The following TGS1 variants were observed in gnomAD, a reference collection of about 807,000 sequenced individuals.
TGS1 encodes the protein trimethylguanosine synthase.
In TGS1, 69 loss-of-function variants were observed where a neutral mutation model predicts 92.2. The ratio of observed to expected loss-of-function variants is 0.75; its 90% CI spans 0.62 to 0.91. The LOEUF (loss-of-function observed/expected upper bound fraction) is 0.91. Among genes scored for constraint, TGS1 ranks in the 40% least tolerant of loss-of-function variants. The pLI is 0.00. For synonymous variants in TGS1, 345 were observed against 338.1 expected, an observed-to-expected ratio of 1.02 and a Z score of -0.22; for missense variants, 1,062 against 1,001.2, an observed-to-expected ratio of 1.06 and a Z score of -0.82.
At chr8:55,809,149 T>G (rs78619046) in intron 10 of TGS1, among the ~76,000 whole-genome samples, 14 of 152,360 alleles carry the variant, frequency 9.2e-5, no homozygotes, top group Non-Finnish European at 1.9e-4. Flanking sequence ...TACAAAAAGA[T>G]GGCATTGCAT....
chr8:55,794,436 G>A (rs1287371563), intron 6 of TGS1, among the ~76,000 whole-genome samples: 3 of 152,130 alleles, frequency 2.0e-5, no homozygotes, highest in African/African-American at 7.2e-5. Context: ...CAATTGAAGG[G>A]CATTTGGATT....
chr8:55,805,112 A>G lies in TGS1; in HGVS notation c.2143+76A>G, dbSNP rs141418522. ...AAATGTTTCCATTTTGCTACAGCCT[A>G]TCTTACTGAGATTTAATATATAATT... On this transcript the variant is annotated intron_variant, in intron 10 of 12. Coordinates refer to ENST00000260129, the MANE Select transcript of TGS1 (RefSeq NM_024831.8). 3.8e-4 allele frequency: 456 copies of G among 1,201,894 alleles called. 1 individual carries two copies. The African/African-American group carries it at 6.0e-3, about 16-fold the overall frequency. 74.5% of individuals were successfully genotyped at this position (1,201,894 alleles called of 1,614,324 possible).
chr8:55,783,459 G>A (rs1051521702), intron 2 of TGS1, among the ~76,000 whole-genome samples: 2 of 152,108 alleles, frequency 1.3e-5, no homozygotes, highest in Non-Finnish European at 2.9e-5. Flanking sequence ...TACACTTCAT[G>A]AGAAGTGTAT....
intron 12 of TGS1, among the ~76,000 whole-genome samples, chr8:55,818,264 C>T (rs1334807543): frequency 6.6e-6 from 1 of 152,150 alleles, no homozygotes; most frequent in African/African-American, 2.4e-5. Flanking sequence ...TGCAGCCTCC[C>T]AGACTGAAAC....
intron 5 of TGS1, 91 bp from the exon 6 acceptor site, chr8:55,792,607 A>G (rs911293522): frequency 7.1e-6 from 6 of 839,358 alleles, no homozygotes; most frequent in East Asian, 5.0e-5. Context: ...GGAAGTTTGC[A>G]TGGGTCAATT....
intron 4 of TGS1, among the ~76,000 whole-genome samples, chr8:55,787,913 C>G (rs910102895): frequency 6.6e-6 from 1 of 152,156 alleles, no homozygotes; most frequent in African/African-American, 2.4e-5. Flanking sequence ...GGGGGGAGGT[C>G]CCAGGCTCTT....
chr8:55,800,790 A>G (rs1812194591), intron 8 of TGS1, among the ~76,000 whole-genome samples: 3 of 152,134 alleles, frequency 2.0e-5, no homozygotes, highest in Non-Finnish European at 4.4e-5. Flanking sequence ...ACTTTTTACT[A>G]TTTACAATGA....
chr8:55,794,357 A>G (rs1331961413), intron 6 of TGS1, among the ~76,000 whole-genome samples: 3 of 152,296 alleles, frequency 2.0e-5, no homozygotes, highest in South Asian at 4.1e-4. Flanking sequence ...CGCCCAGTCC[A>G]TTTATTCCTT....
At chr8:55,793,873 C>T (rs1168015366) in intron 6 of TGS1, among the ~76,000 whole-genome samples, 5 of 151,968 alleles carry the variant, frequency 3.3e-5, no homozygotes, top group African/African-American at 1.2e-4. Flanking sequence ...CCACCTTGGC[C>T]TCCCAAAGTG....
At position 55,796,010 on chromosome 8, in the gene TGS1, A is replaced by G. The variant is rs141916462; in HGVS notation, c.1400A>G (p.Gln467Arg). ...GGAATCCCAAATTTCAGTCATCGGC[A>G]GGTCAGGTATTTAGAGAAGAATGTG... ...YGGIPNFSHR[Q>R]VRYLEKNVKL... is the part of the protein sequence containing the mutation. The change falls in exon 7 of 13, where the codon CAG becomes CGG. Residue 467 changes from glutamine (Q) to arginine (R), a missense_variant. Gln to Arg is a conservative substitution (Grantham distance 43, BLOSUM62 1). Coordinates refer to ENST00000260129, the MANE Select transcript of TGS1 (RefSeq NM_024831.8). 44 of 1,613,578 alleles carry G rather than the reference A, an allele frequency of 2.7e-5. No homozygotes were observed. Among genetic ancestry groups the G allele is most frequent in the Non-Finnish European group, 3.5e-5 (41 of 1,179,798 alleles).
At position 55,806,077 on chromosome 8, in the gene TGS1, C is replaced by T. The variant is rs146134517; in HGVS notation, c.2143+1041C>T. On this transcript the variant is annotated intron_variant, in intron 10 of 12. Coordinates refer to ENST00000260129, the MANE Select transcript of TGS1 (RefSeq NM_024831.8). ...TAGGCTCTTAAAAAAATTTGTAGGC[C>T]GGGCACGGTGGCTCATGCCTGTAAT... 1.2e-3 allele frequency among the ~76,000 whole-genome samples: 177 copies of T among 151,296 alleles called. 2 individuals carry two copies. The East Asian group carries it at 0.019, about 16-fold the overall frequency.
intron 11 of TGS1, among the ~76,000 whole-genome samples, chr8:55,812,495 C>CAAAA (rs59611291): frequency 5.1e-5 from 5 of 98,262 alleles, no homozygotes; most frequent in Admixed American, 1.1e-4. Flanking sequence ...GACTCTGTCT[C>CAAAA]AAAAAAAAAA....
intron 1 of TGS1, among the ~76,000 whole-genome samples, chr8:55,774,399 A>G (rs1268110013): frequency 6.6e-6 from 1 of 152,228 alleles, no homozygotes; most frequent in Non-Finnish European, 1.5e-5. Context: ...TGTTAGAGTT[A>G]AATCCTTGTG....
chr8:55,804,102 T>C (rs1563463213), intron 9 of TGS1, among the ~76,000 whole-genome samples: 1 of 152,178 alleles, frequency 6.6e-6, no homozygotes, highest in South Asian at 2.1e-4. Flanking sequence ...TGCAACCCTA[T>C]GGCCTTTTGC....
chr8:55,810,394 G>A (rs1351894567), intron 10 of TGS1, among the ~76,000 whole-genome samples: 1 of 152,140 alleles, frequency 6.6e-6, no homozygotes, highest in Non-Finnish European at 1.5e-5. Context: ...TTCATCACTT[G>A]GCTACATAAG....
intron 12 of TGS1, among the ~76,000 whole-genome samples, chr8:55,818,210 GAGAC>G (rs1020357865): frequency 1.3e-5 from 2 of 151,050 alleles, no homozygotes; most frequent in Non-Finnish European, 3.0e-5. Context: ...TTTTTTTTTT[GAGAC>G]AGGGCCAGGC....
At chr8:55,817,678 G>A (rs1803520836) in intron 12 of TGS1, among the ~76,000 whole-genome samples, 1 of 152,096 alleles carries the variant, frequency 6.6e-6, no homozygotes, top group African/African-American at 2.4e-5. Context: ...TAATCTAATG[G>A]TAGCTCTCTC....
intron 10 of TGS1, among the ~76,000 whole-genome samples, chr8:55,809,091 C>T (rs760009629): frequency 2.6e-5 from 4 of 152,188 alleles, no homozygotes; most frequent in Non-Finnish European, 5.9e-5. Flanking sequence ...ATCAATTATG[C>T]TTGAACTGTA....
intron 9 of TGS1, among the ~76,000 whole-genome samples, chr8:55,803,128 G>GT (rs1563462647): frequency 1.4e-5 from 2 of 144,152 alleles, no homozygotes; most frequent in African/African-American, 2.6e-5. Flanking sequence ...TCAATTTGGG[G>GT]GGGTGTGTGT....
Sources: gnomAD v4.1 joint callset for allele counts (sites outside exome capture counted in the v4.1 genomes callset) on GRCh38, gnomAD v4.1.1 for gene constraint, MANE v1.5 for transcripts, NCBI Gene and HGNC (gene_info 2026-07-23, HGNC 2026-07-21) for gene names.